Variants in LEKR1 observed in about 807,000 individuals in gnomAD.
The protein encoded by LEKR1 is leucine, glutamate and lysine rich 1, also known as protein LEKR1.
Under a neutral mutation model 72.4 loss-of-function variants are expected in LEKR1, and 59 were observed. The observed-to-expected ratio is 0.82, with a 90% confidence interval of 0.66 to 1.01. The LOEUF (loss-of-function observed/expected upper bound fraction) is 1.01, where lower values mean the gene tolerates loss of function less well. Ranked by LOEUF, LEKR1 falls within the 50% of genes least tolerant of loss-of-function variation. The pLI is 0.00. For missense variants in LEKR1, 728 were observed against 759.2 expected, an observed-to-expected ratio of 0.96 and a Z score of 0.48; for synonymous variants, 257 against 263.2, an observed-to-expected ratio of 0.98 and a Z score of 0.23.
intron 6 of LEKR1, among the ~76,000 whole-genome samples, chr3:156,972,980 G>A (rs1363489130): frequency 6.6e-6 from 1 of 151,944 alleles, no homozygotes; most frequent in East Asian, 1.9e-4. Flanking sequence ...TACAAATAGA[G>A]TAGGTGTTTA....
At chr3:157,015,274 C>T (rs2108025875) in intron 10 of LEKR1, among the ~76,000 whole-genome samples, 1 of 152,244 alleles carries the variant, frequency 6.6e-6, no homozygotes, top group Middle Eastern at 3.4e-3. Flanking sequence ...GGGAAGAACA[C>T]TGGCGATCTA....
At chr3:156,982,858 GATA>G (rs1730333858) in intron 7 of LEKR1, among the ~76,000 whole-genome samples, 6 of 62,918 alleles carry the variant, frequency 9.5e-5, no homozygotes, top group Non-Finnish European at 2.2e-4. Flanking sequence ...TGTGTGTGTA[GATA>G]GATAGATAGA....
chr3:156,833,099 G>A (rs936564032), intron 2 of LEKR1, among the ~76,000 whole-genome samples: 1 of 151,684 alleles, frequency 6.6e-6, no homozygotes, highest in Non-Finnish European at 1.5e-5. Context: ...CAAAAGGAAA[G>A]TTGTTATGTG....
chr3:156,993,137 A>G lies in LEKR1; in HGVS notation c.969A>G (p.Ala323=), dbSNP rs770896120. Residue 323 remains alanine, a synonymous_variant, in exon 9 of 13, where the codon GCA becomes GCG. Transcript: ENST00000356539. ...TGACTTGTCAACAGATATATAAAGC[A>G]TTACAGGAAGAGCTGACTGTGAAAG... The part of the protein sequence containing the change: ...SLMTCQQIYK[A]LQEELTVKEK... 3 of 1,612,736 alleles carry G rather than the reference A, an allele frequency of 1.9e-6. No homozygotes were observed. Among genetic ancestry groups the G allele is most frequent in the Non-Finnish European group, 2.5e-6 (3 of 1,179,214 alleles).
intron 2 of LEKR1, among the ~76,000 whole-genome samples, chr3:156,839,943 C>T (rs187210975): frequency 6.4e-4 from 98 of 152,148 alleles, no homozygotes; most frequent in Non-Finnish European, 1.2e-3. Flanking sequence ...TCTTTTTTGC[C>T]TCCCCTTCCA....
At chr3:156,906,987 T>G (rs1722592678) in intron 3 of LEKR1, among the ~76,000 whole-genome samples, 1 of 152,168 alleles carries the variant, frequency 6.6e-6, no homozygotes, top group Non-Finnish European at 1.5e-5. Flanking sequence ...AATTTAGCAG[T>G]GTACTATATA....
chr3:156,981,631 A>G (rs932023486), intron 7 of LEKR1, among the ~76,000 whole-genome samples: 2 of 152,160 alleles, frequency 1.3e-5, no homozygotes, highest in South Asian at 2.1e-4. Flanking sequence ...TCTATACTCT[A>G]TCTACTCTCC....
chr3:156,945,503 T>C (rs1726597621), intron 6 of LEKR1, among the ~76,000 whole-genome samples: 1 of 151,750 alleles, frequency 6.6e-6, no homozygotes, highest in Non-Finnish European at 1.5e-5. Flanking sequence ...GCTTGTGGGG[T>C]ATTACTCAAG....
At chr3:156,932,457 A>G (rs1183273800) in intron 5 of LEKR1, among the ~76,000 whole-genome samples, 1 of 152,182 alleles carries the variant, frequency 6.6e-6, no homozygotes, top group Non-Finnish European at 1.5e-5. Context: ...GTGGTGGCTC[A>G]TGCCTAGCAC....
chr3:157,018,530 A>C (rs1000718092), intron 10 of LEKR1, among the ~76,000 whole-genome samples: 1 of 152,236 alleles, frequency 6.6e-6, no homozygotes, highest in Non-Finnish European at 1.5e-5. Flanking sequence ...TTATCTGGAC[A>C]ATCCTTAAAT....
intron 6 of LEKR1, among the ~76,000 whole-genome samples, chr3:156,949,649 C>A (rs997042216): frequency 6.6e-6 from 1 of 151,074 alleles, no homozygotes; most frequent in African/African-American, 2.4e-5. Flanking sequence ...ATAACAGTCC[C>A]GACCTTCTAG....
At chr3:156,978,273 T>C (rs1437611146) in intron 6 of LEKR1, among the ~76,000 whole-genome samples, 1 of 152,242 alleles carries the variant, frequency 6.6e-6, no homozygotes, top group Non-Finnish European at 1.5e-5. Context: ...TGCCGATTTA[T>C]ATAGTTTTAT....
At chr3:156,872,920 C>G (rs1476505177) in intron 3 of LEKR1, among the ~76,000 whole-genome samples, 1 of 151,920 alleles carries the variant, frequency 6.6e-6, no homozygotes, top group East Asian at 1.9e-4. Context: ...TATTCTATAG[C>G]TGTTAGAGGA....
chr3:156,873,044 A>G (rs1348556216), intron 3 of LEKR1, among the ~76,000 whole-genome samples: 1 of 151,966 alleles, frequency 6.6e-6, no homozygotes, highest in Non-Finnish European at 1.5e-5. Context: ...GTCCTCAGTA[A>G]TTAACATATT....
At chr3:157,034,511 G>T (rs933312893) in intron 12 of LEKR1, among the ~76,000 whole-genome samples, 1 of 152,194 alleles carries the variant, frequency 6.6e-6, no homozygotes, top group Non-Finnish European at 1.5e-5. Context: ...TGGCTGAACT[G>T]CTGCAAACTT....
intron 6 of LEKR1, among the ~76,000 whole-genome samples, chr3:156,963,372 C>T (rs1035210726): frequency 4.6e-5 from 7 of 152,326 alleles, no homozygotes; most frequent in African/African-American, 1.7e-4. Flanking sequence ...GACACTTTTA[C>T]ACATGGACTC....
chr3:156,843,647 G>A (rs1197819124), intron 2 of LEKR1, among the ~76,000 whole-genome samples: 1 of 152,088 alleles, frequency 6.6e-6, no homozygotes, highest in Non-Finnish European at 1.5e-5. Flanking sequence ...AATTTATCCA[G>A]AATAACAGTT....
chr3:157,038,595 A>T (rs1337562258), intron 12 of LEKR1, among the ~76,000 whole-genome samples: 1 of 152,176 alleles, frequency 6.6e-6, no homozygotes, highest in Non-Finnish European at 1.5e-5. Flanking sequence ...AGTAGAATCT[A>T]GCGATGGTGA....
intron 6 of LEKR1, among the ~76,000 whole-genome samples, chr3:156,965,533 A>G (rs1049794576): frequency 6.6e-6 from 1 of 152,186 alleles, no homozygotes; most frequent in Non-Finnish European, 1.5e-5. Context: ...GTTTTAATGT[A>G]ACTACATCTG....
Sources: allele counts gnomAD v4.1 joint callset (sites outside exome capture counted in the v4.1 genomes callset), GRCh38; gene constraint gnomAD v4.1.1; transcripts MANE v1.5; gene names NCBI Gene and HGNC (gene_info 2026-07-23, HGNC 2026-07-21).